Variants in PEX1 observed in about 807,000 individuals in gnomAD.
PEX1 encodes peroxisomal biogenesis factor 1.
PEX1 carries 97 observed loss-of-function variants against 152.5 expected under a neutral mutation model. The observed-to-expected ratio is 0.64, with a 90% confidence interval of 0.54 to 0.75. The LOEUF (loss-of-function observed/expected upper bound fraction) is 0.75, where lower values mean the gene tolerates loss of function less well. Among genes scored for constraint, PEX1 ranks in the 30% least tolerant of loss-of-function variants. The pLI is 0.00. For synonymous variants in PEX1, 485 were observed against 531.6 expected (o/e 0.91, Z 1.21); for missense variants, 1,357 against 1,516.3 (o/e 0.89, Z 1.74).
intron 21 of PEX1, among the ~76,000 whole-genome samples, chr7:92,490,853 T>C (rs1206828445): frequency 2.0e-5 from 3 of 152,338 alleles, no homozygotes; most frequent in Non-Finnish European, 4.4e-5. Flanking sequence ...GTACACTTCA[T>C]TGTGCTTACT....
chr7:92,491,592 C>CAAT, intron 20 of PEX1, 90 bp from the exon 21 acceptor site: 1 of 787,442 alleles, frequency 1.3e-6, no homozygotes. Flanking sequence ...TCTATTAGAG[C>CAAT]AATACAAGAA....
Position 92,492,281 on chromosome 7 carries a change from C to G in PEX1, c.3207+672G>C, listed in dbSNP as rs140806213. 5.9e-3 allele frequency among the ~76,000 whole-genome samples: 894 copies of G among 152,258 alleles called. 7 individuals carry two copies. The highest frequency in any genetic ancestry group is 0.024 in the Middle Eastern group (7 of 294). ...CACAGCCTCTCCCAAGAAGCTAGGA[C>G]TACAGGTATGTGCCACCATGCCCAG... On this transcript the variant is annotated intron_variant, in intron 20 of 23. Transcript: ENST00000248633.
At chr7:92,497,611 G>A (rs1483827080) in intron 16 of PEX1, among the ~76,000 whole-genome samples, 1 of 152,096 alleles carries the variant, frequency 6.6e-6, no homozygotes, top group Non-Finnish European at 1.5e-5. Flanking sequence ...GTCATCTCTA[G>A]TGAAAAATCA....
intron 19 of PEX1, chr7:92,494,083 G>C: frequency 1.8e-6 from 1 of 541,806 alleles, no homozygotes; most frequent in Non-Finnish European, 3.3e-6. Flanking sequence ...AACACAGAAG[G>C]ATTACAAAGT....
At chr7:92,519,200 G>A (rs1415462962) in intron 2 of PEX1, 122 bp from the exon 3 acceptor site, 9 of 667,958 alleles carry the variant, frequency 1.3e-5, no homozygotes, top group Non-Finnish European at 2.4e-5. Context: ...GTTTTGGATG[G>A]GGGTGTATAT....
rs2116164620 is a variant in PEX1, at chr7:92,504,723, T to C, written c.2071+9A>G. The C allele has an allele frequency of 1.2e-6, 2 of 1,613,546 alleles. No homozygotes were observed. Among genetic ancestry groups the C allele is most frequent in the Non-Finnish European group, 1.7e-6 (2 of 1,179,710 alleles). On this transcript the variant is annotated intron_variant, in intron 12 of 23. Coordinates refer to ENST00000248633, the MANE Select transcript of PEX1 (RefSeq NM_000466.3). Reference sequence around the variant, plus strand: ...AACAAGACCTTAAGCCAGTGGTGGATGCATTTACCATGAGCAAGCCGCTGG... The same window carrying C: ...AACAAGACCTTAAGCCAGTGGTGGACGCATTTACCATGAGCAAGCCGCTGG...
At chr7:92,519,352 G>C (rs1792951639) in intron 2 of PEX1, among the ~76,000 whole-genome samples, 1 of 152,128 alleles carries the variant, frequency 6.6e-6, no homozygotes, top group South Asian at 2.1e-4. Context: ...AGCCTCCTGG[G>C]TAGCTGGGAA....
In PEX1 at chr7:92,517,817, G is replaced by A. The variant is rs1321945596; in HGVS notation, c.698C>T (p.Ser233Leu). 1.9e-6 allele frequency: 3 copies of A among 1,549,924 alleles called. No individual in the cohort carries two copies. In the East Asian group the frequency reaches 6.7e-5, roughly 35 times the overall value. The change falls in exon 5 of 24, where the codon TCA becomes TTA. Residue 233 changes from serine (S) to leucine (L), a missense_variant. Ser to Leu is a moderately radical substitution (Grantham distance 145). Transcript: ENST00000248633. The stretch of plus-strand genomic sequence containing the variant: ...TGATGATGAGTCAACTGGAATCTCT[G>A]ACTCGTTTTCATTAGATTCAGTGAT... ...VGITESNENE[S>L]EIPVDSSSVA...
chr7:92,515,677 G>A (rs1483647027), intron 5 of PEX1, among the ~76,000 whole-genome samples: 1 of 152,090 alleles, frequency 6.6e-6, no homozygotes, highest in Non-Finnish European at 1.5e-5. Flanking sequence ...TCTCCTGAAC[G>A]GACAGTTTAA....
Position 92,496,765 on chromosome 7 carries a change from GT to G in PEX1, c.2730del (p.Leu910PhefsTer51), listed in dbSNP as rs61750423. The G allele has an allele frequency of 8.7e-6, 14 of 1,606,476 alleles. No homozygotes were observed. Among genetic ancestry groups the G allele is most frequent in the Non-Finnish European group, 1.2e-5 (14 of 1,173,354 alleles). ...MNFISVKGPE[L>X]LSKYIGASEQ... The stretch of plus-strand genomic sequence containing the variant: ...TCACTTGCTCCAATGTATTTGCTGA[GT>G]AACTCTGGCCCCTATTGGGTAAAAT... On this transcript the variant is annotated frameshift_variant, in exon 17 of 24. Coordinates refer to ENST00000248633, the MANE Select transcript of PEX1 (RefSeq NM_000466.3). LOFTEE classifies it high-confidence loss of function.
chr7:92,515,311 G>GT (rs1257395526), intron 5 of PEX1, among the ~76,000 whole-genome samples: 1 of 116,132 alleles, frequency 8.6e-6, no homozygotes, highest in Non-Finnish European at 1.9e-5. Flanking sequence ...CAAGTTTCCT[G>GT]TTTGTTTGTT....
intron 14 of PEX1, 39 bp downstream of exon 14, chr7:92,501,847 TAGAA>T (rs755141783): frequency 1.3e-5 from 20 of 1,530,320 alleles, no homozygotes; most frequent in Middle Eastern, 1.7e-4. Flanking sequence ...TTCTCCACAA[TAGAA>T]AGAAGATTCC....
At chr7:92,491,066 G>C (rs1277552972) in intron 21 of PEX1, among the ~76,000 whole-genome samples, 1 of 152,166 alleles carries the variant, frequency 6.6e-6, no homozygotes, top group Non-Finnish European at 1.5e-5. Flanking sequence ...GCGCTACTTT[G>C]GTTCCTTGCT....
rs746171089 is a variant in PEX1 at position 92,528,397 on chromosome 7, G to A, written c.39C>T (p.Gly13=). 2.5e-6 allele frequency: 4 copies of A among 1,595,088 alleles called. No homozygotes were observed. The East Asian group carries it at 9.1e-5, about 36-fold the overall frequency. Residue 13 remains glycine (G), a synonymous_variant, in exon 1 of 24, where the codon GGC becomes GGT. Transcript: ENST00000248633. ...GSDRLAGAGG[G]GAAVTVAFTN... ...TGAAGGCCACAGTCACTGCCGCCCC[G>A]CCTCCCCCAGCACCCGCCAGGCGAT...
intron 9 of PEX1, 93 bp downstream of exon 9, chr7:92,509,236 C>T (rs1347068743): frequency 2.4e-6 from 2 of 820,738 alleles, no homozygotes; most frequent in Non-Finnish European, 4.2e-6. Context: ...CACTTATTGA[C>T]ATTAACATCT....
intron 16 of PEX1, among the ~76,000 whole-genome samples, chr7:92,498,142 C>T (rs546011125): frequency 3.8e-4 from 58 of 151,376 alleles, no homozygotes; most frequent in African/African-American, 1.3e-3. Flanking sequence ...TTAGTTTCTC[C>T]GTCATTGCCA....
intron 15 of PEX1, 71 bp downstream of exon 15, chr7:92,501,436 A>G (rs1791920186): frequency 1.5e-6 from 2 of 1,314,296 alleles, no homozygotes; most frequent in Admixed American, 1.7e-5. Context: ...AAGCTGACAC[A>G]TAAAGCCAAA....
At chr7:92,517,249 C>G in intron 5 of PEX1, 27 bp downstream of exon 5, 1 of 1,559,044 alleles carries the variant, frequency 6.4e-7, no homozygotes. Flanking sequence ...CATAAAATTT[C>G]TCCCAAGTTA....
At chr7:92,523,860 G>A (rs1793153527) in intron 1 of PEX1, among the ~76,000 whole-genome samples, 1 of 151,860 alleles carries the variant, frequency 6.6e-6, no homozygotes, top group African/African-American at 2.4e-5. Context: ...ATATCAGGAA[G>A]CTTCAGTGTT....
Sources: allele counts gnomAD v4.1 joint callset (sites outside exome capture counted in the v4.1 genomes callset), GRCh38; gene constraint gnomAD v4.1.1; transcripts MANE v1.5; gene names NCBI Gene and HGNC (gene_info 2026-07-23, HGNC 2026-07-21).